CHN1: variants seen among roughly 807,000 people sequenced by gnomAD.
CHN1 encodes N-chimaerin.
In CHN1, 37 loss-of-function variants were observed where a neutral mutation model predicts 59.5. The observed-to-expected ratio is 0.62, with a 90% CI of 0.48 to 0.82. The LOEUF (loss-of-function observed/expected upper bound fraction) is 0.82, where lower values mean the gene tolerates loss of function less well. Among genes scored for constraint, CHN1 ranks in the 40% least tolerant of loss-of-function variants. The pLI, the probability that CHN1 is intolerant of heterozygous loss-of-function variation, is 0.00. For missense variants in CHN1, 469 were observed against 571.0 expected (o/e 0.82, Z 1.82); for synonymous variants, 206 against 200.4 (o/e 1.03, Z -0.24).
At chr2:174,999,966 A>T (rs185594726) in intron 1 of CHN1, among the ~76,000 whole-genome samples, 13 of 152,312 alleles carry the variant, frequency 8.5e-5, no homozygotes, top group South Asian at 8.3e-4. Context: ...TGTGACTCAA[A>T]AGACTGCAGT....
intron 1 of CHN1, among the ~76,000 whole-genome samples, chr2:175,004,367 A>G (rs1288484366): frequency 1.3e-5 from 2 of 152,184 alleles, no homozygotes; most frequent in African/African-American, 4.8e-5. Flanking sequence ...GTTAGTGCAA[A>G]CATTTTCAAT....
intron 5 of CHN1, among the ~76,000 whole-genome samples, chr2:174,879,907 G>C (rs1687684987): frequency 6.6e-6 from 1 of 152,146 alleles, no homozygotes; most frequent in Admixed American, 6.5e-5. Flanking sequence ...GAGAAGTATG[G>C]GGGGCACAGG....
intron 5 of CHN1, among the ~76,000 whole-genome samples, chr2:174,888,709 C>G (rs1436272930): frequency 6.6e-6 from 1 of 152,182 alleles, no homozygotes; most frequent in Non-Finnish European, 1.5e-5. Flanking sequence ...CAGCTAAGCT[C>G]TTCTTGCAGC....
intron 7 of CHN1, among the ~76,000 whole-genome samples, chr2:174,843,976 G>C (rs947374907): frequency 6.7e-5 from 10 of 148,772 alleles, no homozygotes; most frequent in East Asian, 1.9e-4. Flanking sequence ...CTCTTTCTCT[G>C]TGTGTGTGTG....
intron 5 of CHN1, among the ~76,000 whole-genome samples, chr2:174,896,584 T>A (rs766907771): frequency 6.6e-6 from 1 of 152,148 alleles, no homozygotes; most frequent in Admixed American, 6.5e-5. Flanking sequence ...CTGAAAATCA[T>A]GATGTCAGTC....
chr2:174,820,587 T>C (rs930124673), intron 8 of CHN1, among the ~76,000 whole-genome samples: 4 of 152,206 alleles, frequency 2.6e-5, no homozygotes, highest in African/African-American at 9.7e-5. Flanking sequence ...GGGTGAGACT[T>C]TGCAATGCCT....
intron 3 of CHN1, among the ~76,000 whole-genome samples, chr2:174,921,923 C>T (rs1689029400): frequency 6.6e-6 from 1 of 152,140 alleles, no homozygotes; most frequent in South Asian, 2.1e-4. Flanking sequence ...GAGGACACAG[C>T]CAAACCATAT....
chr2:174,918,905 A>G (rs1461799770), intron 3 of CHN1, among the ~76,000 whole-genome samples: 1 of 152,138 alleles, frequency 6.6e-6, no homozygotes, highest in Non-Finnish European at 1.5e-5. Context: ...ACTCAATTGC[A>G]GCTTTCTCCC....
chr2:174,858,978 C>CTACACACACACACA (rs1188703460), intron 6 of CHN1, among the ~76,000 whole-genome samples: 16 of 72,690 alleles, frequency 2.2e-4, no homozygotes, highest in African/African-American at 7.6e-4. Context: ...ATTTCCTCCT[C>CTACACACACACACA]TACACACACA....
intron 1 of CHN1, among the ~76,000 whole-genome samples, chr2:174,981,546 G>A (rs145979526): frequency 3.6e-4 from 55 of 152,272 alleles, no homozygotes; most frequent in Non-Finnish European, 5.6e-4. Flanking sequence ...CACCGTCTGA[G>A]CTATTCAGCA....
At chr2:174,953,240 T>C (rs212381) in intron 1 of CHN1, among the ~76,000 whole-genome samples, 3,150 of 151,792 alleles carry the variant, frequency 0.021, 105 homozygotes, top group African/African-American at 0.071. Flanking sequence ...GTCATAGACA[T>C]AAGACATTCA....
At chr2:174,975,962 T>C (rs1183218497) in intron 1 of CHN1, among the ~76,000 whole-genome samples, 4 of 114,950 alleles carry the variant, frequency 3.5e-5, no homozygotes, top group African/African-American at 1.4e-4. Context: ...TCTGCTAAAA[T>C]ACAAAAAAAA....
intron 5 of CHN1, among the ~76,000 whole-genome samples, chr2:174,884,787 T>C (rs1334018803): frequency 6.6e-6 from 1 of 152,184 alleles, no homozygotes; most frequent in Non-Finnish European, 1.5e-5. Flanking sequence ...GATTTTTCCC[T>C]CTTGAAAATT....
At position 175,005,182 on chromosome 2, in the gene CHN1, G is replaced by A; in HGVS notation, c.-270C>T. ...GCACTTGTCGCTGCCATCAGGCGCG[G>A]AGCGTGCGCGCGGGAGGAGGTACCT... On this transcript the variant is annotated 5_prime_UTR_variant, in exon 1 of 13. Transcript: ENST00000409900. 4.8e-6 allele frequency: 6 copies of A among 1,260,338 alleles called. No individual in the cohort carries two copies. The highest frequency in any genetic ancestry group is 6.0e-6 in the Non-Finnish European group (6 of 1,000,676). 78.1% of individuals were successfully genotyped at this position (1,260,338 alleles called of 1,614,324 possible).
intron 1 of CHN1, among the ~76,000 whole-genome samples, chr2:174,961,092 C>T (rs1223441767): frequency 1.8e-5 from 2 of 109,078 alleles, no homozygotes; most frequent in Non-Finnish European, 4.2e-5. Flanking sequence ...TGTGCCACTG[C>T]ACACTAGTCT....
chr2:174,818,438 T>C (rs1266732274), intron 8 of CHN1, among the ~76,000 whole-genome samples: 1 of 152,202 alleles, frequency 6.6e-6, no homozygotes, highest in African/African-American at 2.4e-5. Context: ...GGTATATCAA[T>C]ATTTCAGTTT....
At chr2:174,880,687 C>G (rs1232593869) in intron 5 of CHN1, among the ~76,000 whole-genome samples, 2 of 152,162 alleles carry the variant, frequency 1.3e-5, no homozygotes, top group African/African-American at 4.8e-5. Flanking sequence ...GAGTTCCTAT[C>G]GCTTGGTAAC....
chr2:174,862,332 G>A (rs1285798218), intron 6 of CHN1, among the ~76,000 whole-genome samples: 4 of 150,794 alleles, frequency 2.7e-5, no homozygotes, highest in African/African-American at 7.3e-5. Context: ...TTATACCAAC[G>A]ATACTTTTTT....
At chr2:174,875,990 A>G (rs1054341611) in intron 6 of CHN1, 1 of 212,122 alleles carries the variant, frequency 4.7e-6, no homozygotes, top group African/African-American at 2.4e-5. Context: ...CCGCAGAGAG[A>G]TACTTCCCAG....
Sources: gnomAD v4.1 joint callset for allele counts (sites outside exome capture counted in the v4.1 genomes callset) on GRCh38, gnomAD v4.1.1 for gene constraint, MANE v1.5 for transcripts, NCBI Gene and HGNC (gene_info 2026-07-23, HGNC 2026-07-21) for gene names.